EVC: variants seen among roughly 807,000 people sequenced by gnomAD.
The protein encoded by EVC is EvC ciliary complex subunit 1.
EVC carries 116 observed loss-of-function variants against 118.9 expected under a neutral mutation model. That is an observed-to-expected ratio of 0.98 (90% confidence interval 0.84 to 1.14). The LOEUF (loss-of-function observed/expected upper bound fraction) is 1.14. EVC is among the 50% of genes most tolerant of loss of function. The pLI is 0.00. For synonymous variants in EVC, 619 were observed against 534.7 expected (o/e 1.16, Z -2.18); for missense variants, 1,401 against 1,246.4 (o/e 1.12, Z -1.87).
At chr4:5,820,566 A>G in the EVC span, among the ~76,000 whole-genome samples, 1 of 152,128 alleles carries the variant, frequency 6.6e-6, no homozygotes, top group Non-Finnish European at 1.5e-5. Flanking sequence ...AAGCCCGCCC[A>G]TCAGCCGTCT....
chr4:5,789,182 G>A lies in EVC; in HGVS notation c.1777-4426G>A, dbSNP rs1393566515. 6.6e-6 allele frequency among the ~76,000 whole-genome samples: 1 copy of A among 152,164 alleles called. No homozygotes were observed. Among genetic ancestry groups the A allele is most frequent in the Admixed American group, 6.5e-5 (1 of 15,290 alleles). On this transcript the variant is annotated intron_variant, in intron 12 of 20. Transcript: ENST00000264956. The surrounding 1 kb of genome is among the most constrained non-coding windows in gnomAD (Gnocchi z 4.3). ...GATAGGGAACACTAAGTCACATCGT[G>A]TTGCTTCTCTGCAGAACCCCCAATG... is the stretch of plus-strand genomic sequence containing the variant.
the EVC span, chr4:5,826,047 C>A: frequency 3.4e-6 from 1 of 293,732 alleles, no homozygotes; most frequent in Non-Finnish European, 6.3e-6. Flanking sequence ...TTCACAAAGG[C>A]ATACTCACAT....
At chr4:5,804,633 T>C in intron 16 of EVC, 97 bp from the exon 17 acceptor site, 1 of 929,384 alleles carries the variant, frequency 1.1e-6, no homozygotes, top group Non-Finnish European at 1.8e-6. Flanking sequence ...GGAGAGCTGG[T>C]GTGTCTCACT....
the EVC span, chr4:5,825,855 GCATGCATACACACACATCTACATACCCA>G: frequency 0.013 from 7,229 of 575,942 alleles, 67 homozygotes; most frequent in Middle Eastern, 0.024. This position sits in a 1 kb window ranked among gnomAD's most constrained non-coding sequence, Gnocchi z 4.4. Context: ...ATACACACAA[GCATGCATACACACACATCTACATACCCA>G]CATGCATACA....
At chr4:5,767,633 A>G (rs1733145477) in intron 11 of EVC, among the ~76,000 whole-genome samples, 1 of 151,978 alleles carries the variant, frequency 6.6e-6, no homozygotes, top group African/African-American at 2.4e-5. Context: ...TCGGAAAAGC[A>G]CAGTATGCGG....
downstream of EVC, among the ~76,000 whole-genome samples, chr4:5,818,766 T>G (rs763571410): frequency 1.4e-4 from 21 of 152,192 alleles, no homozygotes; most frequent in Non-Finnish European, 2.8e-4. Flanking sequence ...ACCCCAACCT[T>G]GGACTTCTCA....
the EVC span, chr4:5,828,629 C>T: frequency 6.2e-7 from 1 of 1,614,148 alleles, no homozygotes; most frequent in Non-Finnish European, 8.5e-7. Context: ...AGTGGGGAGC[C>T]GTGGCACTCC....
chr4:5,780,103 G>A (rs937057217), intron 11 of EVC, among the ~76,000 whole-genome samples: 3 of 152,278 alleles, frequency 2.0e-5, no homozygotes, highest in Non-Finnish European at 1.5e-5. Context: ...AGATAATCAT[G>A]TGGTTTTTGT....
chr4:5,816,356 A>G (rs1013759461), downstream of EVC, among the ~76,000 whole-genome samples: 10 of 152,182 alleles, frequency 6.6e-5, no homozygotes, highest in Admixed American at 2.0e-4. Flanking sequence ...TGCCGTGCTC[A>G]GAAATCCTTC....
At chr4:5,717,391 G>C (rs1468106992) in intron 1 of EVC, among the ~76,000 whole-genome samples, 2 of 151,860 alleles carry the variant, frequency 1.3e-5, no homozygotes, top group African/African-American at 4.8e-5. Flanking sequence ...CCTTTTGTTT[G>C]TTTTGGATTT....
At chr4:5,770,074 T>C (rs7685669) in intron 11 of EVC, among the ~76,000 whole-genome samples, 57,727 of 151,692 alleles carry the variant, frequency 0.38, 11,312 homozygotes, top group Middle Eastern at 0.51. Context: ...AGGGGGGCTC[T>C]CTGCACAGAG....
At chr4:5,795,978 C>T (rs1713882683) in intron 13 of EVC, among the ~76,000 whole-genome samples, 1 of 149,518 alleles carries the variant, frequency 6.7e-6, no homozygotes, top group Admixed American at 6.7e-5. Flanking sequence ...CCATATGTCT[C>T]TTACATGCTC....
In EVC at chr4:5,738,576, C is replaced by T. The variant is rs1361004961; in HGVS notation, c.703-3140C>T. On this transcript the variant is annotated intron_variant, in intron 5 of 20. Coordinates refer to ENST00000264956, the MANE Select transcript of EVC (RefSeq NM_153717.3). The surrounding 1 kb of genome is among the most constrained non-coding windows in gnomAD (Gnocchi z 6.5). Reference sequence around the variant, plus strand: ...AAGTCAGTAGCCATCAACATTGAGACAAGACCCTCCACCAGCTAAAAGATT... The same window carrying T: ...AAGTCAGTAGCCATCAACATTGAGATAAGACCCTCCACCAGCTAAAAGATT... Among the ~76,000 whole-genome samples the T allele has an allele frequency of 6.6e-6, 1 of 151,862 alleles. No individual in the cohort carries two copies. Among genetic ancestry groups the T allele is most frequent in the African/African-American group, 2.4e-5 (1 of 41,324 alleles).
chr4:5,775,818 A>G (rs951681913), intron 11 of EVC, among the ~76,000 whole-genome samples: 1 of 152,220 alleles, frequency 6.6e-6, no homozygotes, highest in Non-Finnish European at 1.5e-5. Context: ...GAATATGTGT[A>G]GCTTCAATTT....
intron 3 of EVC, among the ~76,000 whole-genome samples, chr4:5,729,692 A>G (rs1279700816): frequency 1.3e-5 from 2 of 152,162 alleles, no homozygotes; most frequent in Non-Finnish European, 2.9e-5. Context: ...CTGAGCGCTA[A>G]TCCTCATTCA....
intron 12 of EVC, among the ~76,000 whole-genome samples, chr4:5,786,763 T>A (rs1441395719): frequency 6.6e-6 from 1 of 151,288 alleles, no homozygotes; most frequent in African/African-American, 2.4e-5. Context: ...TCCCAGCTAC[T>A]CGGGAGGCTG....
downstream of EVC, among the ~76,000 whole-genome samples, chr4:5,814,889 G>A (rs1055903585): frequency 1.3e-5 from 2 of 152,022 alleles, no homozygotes; most frequent in African/African-American, 4.8e-5. Flanking sequence ...TAGATTCTAG[G>A]TCCTGTGTTC....
the EVC span, chr4:5,825,962 A>G: frequency 9.3e-6 from 4 of 430,036 alleles, no homozygotes; most frequent in Non-Finnish European, 1.7e-5. The surrounding 1 kb of genome is among the most constrained non-coding windows in gnomAD (Gnocchi z 4.4). Context: ...ATGCATGCAC[A>G]TGCAGTAACA....
Position 5,738,819 on chromosome 4 carries a change from G to A in EVC, c.703-2897G>A, listed in dbSNP as rs181721931. On this transcript the variant is annotated intron_variant, in intron 5 of 20. Transcript: ENST00000264956. This position sits in a 1 kb window ranked among gnomAD's most constrained non-coding sequence, Gnocchi z 6.5. ...TTGACCTTGTGATCCACCTGCCTCCGCCTCCCAAAGTGCTGGGATTACGGG... is the reference window on the plus strand; with the variant it reads ...TTGACCTTGTGATCCACCTGCCTCCACCTCCCAAAGTGCTGGGATTACGGG... Among the ~76,000 whole-genome samples, 205 of 152,114 alleles carry A rather than the reference G, an allele frequency of 1.3e-3. 4 individuals are homozygous for A. The highest frequency in any genetic ancestry group is 5.1e-4 in the Non-Finnish European group (35 of 67,998).
Sources: allele counts gnomAD v4.1 joint callset (sites outside exome capture counted in the v4.1 genomes callset), GRCh38; gene constraint gnomAD v4.1.1; non-coding constraint Gnocchi (gnomAD v3.1); transcripts MANE v1.5; gene names NCBI Gene and HGNC (gene_info 2026-07-23, HGNC 2026-07-21).